GALNT14: variants seen among roughly 807,000 people sequenced by gnomAD.
The protein encoded by GALNT14 is polypeptide N-acetylgalactosaminyltransferase 14, also known as UDP-GalNAc:polypeptide N-acetylgalactosaminyltransferase 14.
GALNT14 carries 60 observed loss-of-function variants against 77.5 expected under a neutral mutation model. That is an observed-to-expected ratio of 0.77 (90% confidence interval 0.63 to 0.96). GALNT14 has a LOEUF of 0.96. GALNT14 is among the 40% of genes least tolerant of loss of function. The pLI, the probability that GALNT14 is intolerant of heterozygous loss-of-function variation, is 0.00. For missense variants in GALNT14, 710 were observed against 731.0 expected, an observed-to-expected ratio of 0.97 and a Z score of 0.33; for synonymous variants, 280 against 281.7, an observed-to-expected ratio of 0.99 and a Z score of 0.06.
chr2:30,981,408 CT>C (rs796614271), intron 2 of GALNT14, among the ~76,000 whole-genome samples: 3 of 152,244 alleles, frequency 2.0e-5, no homozygotes, highest in African/African-American at 7.2e-5. Context: ...GCAAGCATCT[CT>C]GCTGCTGCTG....
intron 1 of GALNT14, among the ~76,000 whole-genome samples, chr2:31,061,452 A>C (rs961288918): frequency 6.6e-6 from 1 of 152,198 alleles, no homozygotes; most frequent in Non-Finnish European, 1.5e-5. Context: ...CCCAAAGACA[A>C]CTGAGCCCCC....
intron 6 of GALNT14, among the ~76,000 whole-genome samples, 178 bp from the exon 7 acceptor site, chr2:30,946,048 T>C (rs1666676197): frequency 6.6e-6 from 1 of 152,098 alleles, no homozygotes; most frequent in African/African-American, 2.4e-5. Context: ...CAATGGGACC[T>C]CTCCAGTTCT....
intron 2 of GALNT14, among the ~76,000 whole-genome samples, chr2:30,980,124 C>G (rs982290498): frequency 3.9e-5 from 6 of 152,234 alleles, no homozygotes; most frequent in Non-Finnish European, 8.8e-5. Flanking sequence ...TGCTCACATG[C>G]CCTGCACCCA....
chr2:30,982,584 A>C (rs1228348435), intron 2 of GALNT14, among the ~76,000 whole-genome samples: 1 of 152,262 alleles, frequency 6.6e-6, no homozygotes, highest in African/African-American at 2.4e-5. Context: ...AATCCCATTT[A>C]TATAAAGTTC....
At chr2:31,053,854 T>G (rs957251894) in intron 1 of GALNT14, among the ~76,000 whole-genome samples, 2 of 152,232 alleles carry the variant, frequency 1.3e-5, no homozygotes, top group African/African-American at 4.8e-5. Context: ...GGTTTTTAGA[T>G]CATAGCATTT....
intron 1 of GALNT14, among the ~76,000 whole-genome samples, chr2:31,032,286 T>C (rs1000000004): frequency 3.0e-4 from 45 of 152,108 alleles, no homozygotes; most frequent in African/African-American, 1.1e-3. Flanking sequence ...TCGCTCAAGA[T>C]ACCGCCCAGC....
intron 1 of GALNT14, among the ~76,000 whole-genome samples, chr2:31,057,180 A>G (rs1674266063): frequency 6.6e-6 from 1 of 151,524 alleles, no homozygotes; most frequent in Non-Finnish European, 1.5e-5. Context: ...ACTATTCGGT[A>G]CTATGCTCAT....
intron 1 of GALNT14, among the ~76,000 whole-genome samples, chr2:31,106,745 A>AT (rs1376929310): frequency 1.3e-5 from 2 of 152,026 alleles, no homozygotes; most frequent in Non-Finnish European, 2.9e-5. Flanking sequence ...TTTGGGGGTA[A>AT]TTTTCGTGGC....
intron 1 of GALNT14, among the ~76,000 whole-genome samples, chr2:31,012,980 CTT>C (rs1671129145): frequency 6.6e-6 from 1 of 152,146 alleles, no homozygotes; most frequent in African/African-American, 2.4e-5. Flanking sequence ...CCACAAAACA[CTT>C]TTGCAGAACC....
intron 9 of GALNT14, among the ~76,000 whole-genome samples, chr2:30,932,630 G>A (rs956185744): frequency 8.5e-5 from 13 of 152,168 alleles, no homozygotes; most frequent in Non-Finnish European, 1.2e-4. Context: ...AATTTCAATC[G>A]AGAATACGGG....
chr2:30,965,709 AT>A (rs2148341487), intron 3 of GALNT14, among the ~76,000 whole-genome samples: 1 of 152,290 alleles, frequency 6.6e-6, no homozygotes, highest in South Asian at 2.1e-4. Flanking sequence ...CTGCAGGTAG[AT>A]GGTCAGGAAG....
At position 31,075,084 on chromosome 2, in the gene GALNT14, A is replaced by AGT. The variant is rs1214524862; in HGVS notation, c.129+62872_129+62873dup. ...GACTTGGTGCTGTCCTTGTGATGAG[A>AGT]GTGAGCTCTCGCTCTGAGTTCACAC... On this transcript the variant is annotated intron_variant, in intron 1 of 14. Coordinates refer to ENST00000349752, the MANE Select transcript of GALNT14 (RefSeq NM_024572.4). Among the ~76,000 whole-genome samples the AGT allele has an allele frequency of 2.6e-5, 4 of 152,286 alleles. No homozygotes were observed. The South Asian group carries it at 6.2e-4, about 24-fold the overall frequency.
intron 1 of GALNT14, among the ~76,000 whole-genome samples, chr2:31,048,552 CAG>C (rs1673627391): frequency 6.7e-6 from 1 of 149,308 alleles, no homozygotes; most frequent in African/African-American, 2.6e-5. Flanking sequence ...AAAAATAAGA[CAG>C]TGCTGGAGAT....
chr2:30,959,900 T>C (rs1174702227), intron 3 of GALNT14, among the ~76,000 whole-genome samples: 1 of 152,134 alleles, frequency 6.6e-6, no homozygotes, highest in African/African-American at 2.4e-5. Flanking sequence ...CCTGTGATGT[T>C]GGAGAGGGGG....
At chr2:30,915,038 T>A (rs946482129) in intron 13 of GALNT14, among the ~76,000 whole-genome samples, 22 of 152,244 alleles carry the variant, frequency 1.4e-4, no homozygotes, top group Non-Finnish European at 5.9e-5. Flanking sequence ...CACAAATTAG[T>A]ATTTCAAAAA....
intron 3 of GALNT14, among the ~76,000 whole-genome samples, chr2:30,960,501 G>GA (rs1326581295): frequency 6.6e-6 from 1 of 151,966 alleles, no homozygotes; most frequent in Non-Finnish European, 1.5e-5. Flanking sequence ...AAAAAAAAAA[G>GA]AAATAGTCAG....
chr2:31,109,496 T>G (rs1237448475), intron 1 of GALNT14, among the ~76,000 whole-genome samples: 1 of 152,214 alleles, frequency 6.6e-6, no homozygotes, highest in Non-Finnish European at 1.5e-5. Flanking sequence ...GAATGTGAAA[T>G]GATGCTCCCT....
At chr2:31,130,791 CACCTGTGT>C (rs1678956567) in intron 1 of GALNT14, among the ~76,000 whole-genome samples, 1 of 92,860 alleles carries the variant, frequency 1.1e-5, no homozygotes, top group African/African-American at 4.4e-5. Context: ...TGTGCGCGCG[CACCTGTGT>C]GTGTGCCTGT....
At chr2:31,022,916 C>T (rs188677098) in intron 1 of GALNT14, among the ~76,000 whole-genome samples, 219 of 152,310 alleles carry the variant, frequency 1.4e-3, no homozygotes, top group Middle Eastern at 6.8e-3. Flanking sequence ...TATCAGCATG[C>T]GCTCTGTCTG....
Sources: allele counts gnomAD v4.1 joint callset (sites outside exome capture counted in the v4.1 genomes callset), GRCh38; gene constraint gnomAD v4.1.1; transcripts MANE v1.5; gene names NCBI Gene and HGNC (gene_info 2026-07-23, HGNC 2026-07-21).